The following STON2 variants were observed in gnomAD, a reference collection of about 807,000 sequenced individuals.
STON2 encodes the protein stonin-2.
In STON2, 29 loss-of-function variants were observed where a neutral mutation model predicts 65.7. The ratio of observed to expected loss-of-function variants is 0.44; its 90% CI spans 0.33 to 0.60. The LOEUF (loss-of-function observed/expected upper bound fraction) is 0.60, where lower values mean the gene tolerates loss of function less well. Among genes scored for constraint, STON2 ranks in the 20% least tolerant of loss-of-function variants. The probability of loss-of-function intolerance (pLI) is 0.03; values close to 1 mark genes in which losing one functional copy is unlikely to be tolerated. For missense variants in STON2, 1,054 were observed against 1,118.1 expected (o/e 0.94, Z 0.82); for synonymous variants, 404 against 414.2 (o/e 0.98, Z 0.30).
At chr14:81,429,144 G>A (rs879913503) in intron 1 of STON2, among the ~76,000 whole-genome samples, 4 of 152,234 alleles carry the variant, frequency 2.6e-5, no homozygotes, top group Non-Finnish European at 5.9e-5. Context: ...AGCCCCCATG[G>A]GGCATAATAT....
intron 6 of STON2, among the ~76,000 whole-genome samples, chr14:81,275,478 C>T (rs532173360): frequency 5.9e-5 from 9 of 152,096 alleles, no homozygotes; most frequent in South Asian, 4.1e-4. Flanking sequence ...CAAGGGCTTC[C>T]GTGTCAAAGG....
At chr14:81,289,532 C>T (rs1895473014) in intron 5 of STON2, among the ~76,000 whole-genome samples, 1 of 152,178 alleles carries the variant, frequency 6.6e-6, no homozygotes, top group East Asian at 1.9e-4. Flanking sequence ...AGGCAGAGGG[C>T]AAGGAGTGGG....
intron 2 of STON2, among the ~76,000 whole-genome samples, chr14:81,416,512 T>C (rs925046980): frequency 6.6e-6 from 1 of 152,150 alleles, no homozygotes; most frequent in Admixed American, 6.5e-5. Context: ...GTCAACACAG[T>C]GGACAACTTC....
intron 2 of STON2, among the ~76,000 whole-genome samples, chr14:81,422,276 A>G (rs1251604953): frequency 6.6e-6 from 1 of 152,088 alleles, no homozygotes; most frequent in African/African-American, 2.4e-5. Flanking sequence ...AGTTGAAAAG[A>G]GCCTGGCACC....
Position 81,278,175 on chromosome 14 carries a change from G to C in STON2, c.1307C>G (p.Ser436Cys), listed in dbSNP as rs1894944873. The C allele has an allele frequency of 3.7e-6, 6 of 1,614,218 alleles. No individual in the cohort carries two copies. The highest frequency in any genetic ancestry group is 8.5e-7 in the Non-Finnish European group (1 of 1,180,040). Residue 436 changes from serine (S) to cysteine (C), a missense_variant, in exon 6 of 8, where the codon TCT (serine) becomes TGT (cysteine). By Grantham distance (112) the Ser-to-Cys change is moderately radical. Transcript: ENST00000614646. Reference sequence around the variant, plus strand: ...TTGTTTGAGTTTTTCAACAGCATCAGAGTGTGACTGGGTTTTGCTTGAATC... The same window carrying C: ...TTGTTTGAGTTTTTCAACAGCATCACAGTGTGACTGGGTTTTGCTTGAATC... ...FDDSSKTQSH[S>C]DAVEKLKQLQ...
intron 5 of STON2, among the ~76,000 whole-genome samples, chr14:81,294,344 T>C (rs1181833241): frequency 6.6e-6 from 1 of 152,230 alleles, no homozygotes; most frequent in Non-Finnish European, 1.5e-5. Flanking sequence ...ATCTTTGGCC[T>C]AGGTCAACCT....
rs1337875843 is a variant in STON2, at chr14:81,392,691, T to A, written c.373+3203A>T. On this transcript the variant is annotated intron_variant, in intron 3 of 7. Coordinates refer to ENST00000614646, the MANE Select transcript of STON2 (RefSeq NM_001394390.1). Reference sequence around the variant, plus strand: ...TAAACTGAATTCTTAAATATTTTTTTAAAAACTTTTTTTTCAAGACAATTA... The same window carrying A: ...TAAACTGAATTCTTAAATATTTTTTAAAAAACTTTTTTTTCAAGACAATTA... Among the ~76,000 whole-genome samples the A allele has an allele frequency of 3.3e-5, 5 of 152,312 alleles. No homozygotes were observed. The East Asian group carries it at 5.8e-4, about 18-fold the overall frequency.
rs1218723368 is a variant in STON2, at chr14:81,398,291, T to C, written c.88+4A>G. 6.2e-7 allele frequency: 1 copy of C among 1,609,172 alleles called. No individual in the cohort carries two copies. On this transcript the variant is annotated splice_donor_region_variant and intron_variant, in intron 2 of 7. Coordinates refer to ENST00000614646, the MANE Select transcript of STON2 (RefSeq NM_001394390.1). ...TCACTTTAGGAAACGAAGGCACTCC[T>C]TACCCTGCGAGTGGGCAGGAAAGGG...
chr14:81,376,892 T>C (rs751343660), intron 3 of STON2, among the ~76,000 whole-genome samples: 3 of 152,212 alleles, frequency 2.0e-5, no homozygotes, highest in Non-Finnish European at 4.4e-5. Context: ...AAACTTCTTG[T>C]ACATTTTTTC....
chr14:81,403,941 A>G (rs977491970), upstream of STON2, among the ~76,000 whole-genome samples: 1 of 152,132 alleles, frequency 6.6e-6, no homozygotes, highest in Non-Finnish European at 1.5e-5. Context: ...TTATAATGAA[A>G]TTATTTGCTA....
At chr14:81,404,242 G>A (rs1233927595), upstream of STON2, among the ~76,000 whole-genome samples, 1 of 152,058 alleles carries the variant, frequency 6.6e-6, no homozygotes, top group Non-Finnish European at 1.5e-5. Context: ...TTCCAATACA[G>A]CAGACACTAG....
At chr14:81,323,046 G>GT (rs1896876549) in intron 5 of STON2, among the ~76,000 whole-genome samples, 1 of 152,168 alleles carries the variant, frequency 6.6e-6, no homozygotes, top group Non-Finnish European at 1.5e-5. Flanking sequence ...ACACTCTGAT[G>GT]TAATTCCTCA....
intron 2 of STON2, among the ~76,000 whole-genome samples, chr14:81,406,884 C>G (rs1263556686): frequency 1.3e-5 from 2 of 152,236 alleles, no homozygotes; most frequent in Non-Finnish European, 2.9e-5. Flanking sequence ...TCCCCATCCC[C>G]ATGCTCTCTG....
chr14:81,340,133 G>C (rs755906231), intron 4 of STON2, among the ~76,000 whole-genome samples: 2 of 152,188 alleles, frequency 1.3e-5, no homozygotes, highest in Non-Finnish European at 2.9e-5. Flanking sequence ...CAGCCTGGGC[G>C]ACAGAGCGAG....
intron 7 of STON2, chr14:81,270,199 A>G: frequency 2.5e-6 from 1 of 400,650 alleles, no homozygotes; most frequent in Non-Finnish European, 3.4e-6. Context: ...TGATCCTCCC[A>G]CCTCAGTCTC....
rs774467714 is a variant in STON2, at chr14:81,374,775, T to C, written c.374-3590A>G. ...CAGTCTCATAGATATCTAATATGAG[T>C]TCCTAAGGAGAGGAGAAAGAAAATG... On this transcript the variant is annotated intron_variant, in intron 3 of 7. Transcript: ENST00000614646. Among the ~76,000 whole-genome samples, 206 of 152,068 alleles carry C rather than the reference T, an allele frequency of 1.4e-3. 3 individuals are homozygous for C. The highest frequency in any genetic ancestry group is 3.2e-4 in the Non-Finnish European group (22 of 68,004).
intron 4 of STON2, among the ~76,000 whole-genome samples, chr14:81,331,612 G>T (rs1379935911): frequency 6.6e-6 from 1 of 152,206 alleles, no homozygotes; most frequent in African/African-American, 2.4e-5. Context: ...AACTTTCACT[G>T]CAGACCCTCA....
In STON2 at chr14:81,261,681, T is replaced by A. The variant is rs1475673458; in HGVS notation, c.*6733A>T. The A allele has an allele frequency of 2.7e-6, 3 of 1,120,180 alleles. No homozygotes were observed. The highest frequency in any genetic ancestry group is 1.2e-6 in the Non-Finnish European group (1 of 844,966). 69.4% of individuals were successfully genotyped at this position (1,120,180 alleles called of 1,614,324 possible). On this transcript the variant is annotated 3_prime_UTR_variant, in exon 8 of 8. Transcript: ENST00000614646. ...AAATATATATATACCTCATTGATTA[T>A]CCTATCATCCCCAGTACTTGGAGGG... is the stretch of plus-strand genomic sequence containing the variant.
intron 5 of STON2, among the ~76,000 whole-genome samples, chr14:81,288,622 G>T (rs980036558): frequency 6.6e-6 from 1 of 152,162 alleles, no homozygotes; most frequent in Non-Finnish European, 1.5e-5. Flanking sequence ...CTTATGAGCC[G>T]ATCAAAGAGA....
Sources: allele counts gnomAD v4.1 joint callset (sites outside exome capture counted in the v4.1 genomes callset), GRCh38; gene constraint gnomAD v4.1.1; transcripts MANE v1.5; gene names NCBI Gene and HGNC (gene_info 2026-07-23, HGNC 2026-07-21).